The following PDE6B variants were observed in gnomAD, a reference collection of about 807,000 sequenced individuals.
PDE6B encodes phosphodiesterase 6B.
PDE6B carries 106 observed loss-of-function variants against 109.0 expected under a neutral mutation model. The ratio of observed to expected loss-of-function variants is 0.97; its 90% CI spans 0.83 to 1.14. The LOEUF (loss-of-function observed/expected upper bound fraction) is 1.14, where lower values mean the gene tolerates loss of function less well. PDE6B is among the 50% of genes most tolerant of loss of function. The pLI is 0.00. For synonymous variants in PDE6B, 490 were observed against 471.3 expected, an observed-to-expected ratio of 1.04 and a Z score of -0.51; for missense variants, 1,193 against 1,155.6, an observed-to-expected ratio of 1.03 and a Z score of -0.47.
intron 9 of PDE6B, 127 bp from the exon 10 acceptor site, chr4:657,224 G>C (rs1252970974): frequency 1.6e-6 from 2 of 1,222,382 alleles, no homozygotes; most frequent in African/African-American, 1.5e-5. Flanking sequence ...ACCCCACACA[G>C]AAGCACTGCG....
At chr4:669,477 G>GCCATGCTATTCCCGCTACC (rs1738230963) in intron 21 of PDE6B, among the ~76,000 whole-genome samples, 1 of 65,762 alleles carries the variant, frequency 1.5e-5, no homozygotes, top group Non-Finnish European at 2.8e-5. Context: ...TTCCCACTAC[G>GCCATGCTATTCCCGCTACC]CCATGCTATT....
chr4:637,238 T>G (rs1011652757), intron 3 of PDE6B, among the ~76,000 whole-genome samples: 7 of 152,098 alleles, frequency 4.6e-5, no homozygotes, highest in African/African-American at 7.2e-5. Flanking sequence ...TTTGTTTTTT[T>G]TTTTATGTTT....
chr4:667,874 G>A lies in PDE6B; in HGVS notation c.2371G>A (p.Glu791Lys), dbSNP rs74411086. The stretch of plus-strand genomic sequence containing the variant: ...CCCTCAGGAGTTCTCTCGTTTCCAC[G>A]AAGAGATCCTGCCCATGTTCGACCG... ...FVYKEFSRFHEEILPMFDRLQ... is the reference protein window; with the variant it reads ...FVYKEFSRFHKEILPMFDRLQ... Residue 791 changes from glutamate (E) to lysine (K), a missense_variant, in exon 21 of 22, where the codon GAA becomes AAA. Physicochemically the swap from Glu to Lys is moderately conservative, Grantham distance 56 (BLOSUM62 1). Coordinates refer to ENST00000496514, the MANE Select transcript of PDE6B (RefSeq NM_000283.4). 520 of 1,613,338 alleles carry A rather than the reference G, an allele frequency of 3.2e-4. 2 individuals carry two copies. The African/African-American group carries it at 6.1e-3, about 19-fold the overall frequency.
At chr4:630,666 G>A (rs1304230248) in intron 1 of PDE6B, among the ~76,000 whole-genome samples, 1 of 152,188 alleles carries the variant, frequency 6.6e-6, no homozygotes, top group Non-Finnish European at 1.5e-5. Flanking sequence ...GAGGAACGAG[G>A]GGCAACCTCA....
In PDE6B at chr4:648,467, C is replaced by T. The variant is rs1400718585; in HGVS notation, c.712-5385C>T. ...ACGCCTGCACTTCGTCTGCCTCCTC[C>T]TTGAGCTGTGGAAGGAAAGCTGGTC... is the stretch of plus-strand genomic sequence containing the variant. On this transcript the variant is annotated intron_variant, in intron 3 of 21. Coordinates refer to ENST00000496514, the MANE Select transcript of PDE6B (RefSeq NM_000283.4). This position sits in a 1 kb window ranked among gnomAD's most constrained non-coding sequence, Gnocchi z 4.5. Among the ~76,000 whole-genome samples, 1 of 150,540 alleles carries T rather than the reference C, an allele frequency of 6.6e-6. No homozygotes were observed. Among genetic ancestry groups the T allele is most frequent in the Non-Finnish European group, 1.5e-5 (1 of 68,030 alleles).
Position 662,248 on chromosome 4 carries a change from G to C in PDE6B, c.1722+7G>C, listed in dbSNP as rs1022051139. ...GATGTTCACGCTGCTCATGGTACGT[G>C]GCTGCCAGAATCACCAGGGTTGTGC... On this transcript the variant is annotated splice_region_variant and intron_variant, in intron 13 of 21. Coordinates refer to ENST00000496514, the MANE Select transcript of PDE6B (RefSeq NM_000283.4). The surrounding 1 kb of genome is among the most constrained non-coding windows in gnomAD (Gnocchi z 4.3). 6 of 1,503,570 alleles carry C rather than the reference G, an allele frequency of 4.0e-6. No individual in the cohort carries two copies. In the African/African-American group the frequency reaches 8.3e-5, roughly 21 times the overall value. 93.1% of individuals were successfully genotyped at this position (1,503,570 alleles called of 1,614,324 possible).
intron 3 of PDE6B, among the ~76,000 whole-genome samples, chr4:643,802 TTTC>T (rs1388013799): frequency 6.7e-6 from 1 of 150,314 alleles, no homozygotes; most frequent in Non-Finnish European, 1.5e-5. Flanking sequence ...GATTTAGATC[TTTC>T]TTCTTGTTTA....
intron 1 of PDE6B, 118 bp from the exon 2 acceptor site, chr4:634,559 T>C: frequency 1.1e-6 from 1 of 874,970 alleles, no homozygotes. Flanking sequence ...GCAGGGCCCC[T>C]GGGCACCTCA....
At chr4:659,492 C>T (rs1736768616) in intron 11 of PDE6B, among the ~76,000 whole-genome samples, 1 of 151,588 alleles carries the variant, frequency 6.6e-6, no homozygotes, top group African/African-American at 2.4e-5. Context: ...TGTGTGTGCA[C>T]AAGTGTGTAC....
At position 670,144 on chromosome 4, in the gene PDE6B, C is replaced by G; in HGVS notation, c.*37C>G. 6.2e-7 allele frequency: 1 copy of G among 1,611,786 alleles called. No individual in the cohort carries two copies. The highest frequency in any genetic ancestry group is 1.7e-4 in the Middle Eastern group (1 of 6,054). On this transcript the variant is annotated 3_prime_UTR_variant, in exon 22 of 22. Coordinates refer to ENST00000496514, the MANE Select transcript of PDE6B (RefSeq NM_000283.4). ...ATGGGGACCCTATGGCTCCCTCAAT[C>G]TTCACCCACTAGGATTTGGGTTCTG...
Position 670,699 on chromosome 4 carries a change from A to G in PDE6B, c.*592A>G, listed in dbSNP as rs886059552. On this transcript the variant is annotated 3_prime_UTR_variant, in exon 22 of 22. Coordinates refer to ENST00000496514, the MANE Select transcript of PDE6B (RefSeq NM_000283.4). ...CACATGTACATATGTGTACACAGGT[A>G]GACAGATGGACACAGGCCGTTTCTC... The G allele has an allele frequency of 1.9e-5, 3 of 155,710 alleles. No homozygotes were observed. The South Asian group carries it at 5.6e-4, about 29-fold the overall frequency. The allele number at this position is 155,710 out of a possible 1,614,324, so 9.6% of individuals were successfully genotyped here.
In PDE6B at chr4:663,414, T is replaced by G. The variant is rs1485133765; in HGVS notation, c.1920+227T>G. 6.6e-6 allele frequency among the ~76,000 whole-genome samples: 1 copy of G among 151,848 alleles called. No individual in the cohort carries two copies. The highest frequency in any genetic ancestry group is 1.5e-5 in the Non-Finnish European group (1 of 67,936). On this transcript the variant is annotated intron_variant, in intron 15 of 21. Transcript: ENST00000496514. The surrounding 1 kb of genome is among the most constrained non-coding windows in gnomAD (Gnocchi z 4.0). ...GAAGACAACTGGAAAGGGCCCCTCATGGGGTGGGGTGGAAGCCGAAGGGGA... is the reference window on the plus strand; with the variant it reads ...GAAGACAACTGGAAAGGGCCCCTCAGGGGGTGGGGTGGAAGCCGAAGGGGA...
chr4:632,026 A>G (rs540827094), intron 1 of PDE6B, among the ~76,000 whole-genome samples: 8 of 135,254 alleles, frequency 5.9e-5, no homozygotes, highest in African/African-American at 2.3e-4. Flanking sequence ...TGTTGTGTGG[A>G]TCTGCATGGC....
Position 664,215 on chromosome 4 carries a change from T to G in PDE6B, c.2123T>G (p.Ile708Ser). ...YLSLETTRKE[I>S]VMAMMMTACD... Reference sequence around the variant, plus strand: ...TCCCTGGAGACGACCCGGAAGGAGATCGTCATGTGAGCGCGGGCGGAGGGG... The same window carrying G: ...TCCCTGGAGACGACCCGGAAGGAGAGCGTCATGTGAGCGCGGGCGGAGGGG... Residue 708 changes from isoleucine (I) to serine (S), a missense_variant, in exon 17 of 22, where the codon ATC becomes AGC. Coordinates refer to ENST00000496514, the MANE Select transcript of PDE6B (RefSeq NM_000283.4). The G allele has an allele frequency of 1.3e-6, 2 of 1,584,774 alleles. No individual in the cohort carries two copies. The highest frequency in any genetic ancestry group is 1.7e-6 in the Non-Finnish European group (2 of 1,153,892).
Position 633,035 on chromosome 4 carries a change from C to T in PDE6B, c.469-1642C>T, listed in dbSNP as rs1408789563. On this transcript the variant is annotated intron_variant, in intron 1 of 21. Coordinates refer to ENST00000496514, the MANE Select transcript of PDE6B (RefSeq NM_000283.4). The surrounding 1 kb of genome is among the most constrained non-coding windows in gnomAD (Gnocchi z 4.5). Reference sequence around the variant, plus strand: ...TTCATCAGGGAGCACACATGGTGGCCACTGTAGCACTGACGGCTGGTGGAG... The same window carrying T: ...TTCATCAGGGAGCACACATGGTGGCTACTGTAGCACTGACGGCTGGTGGAG... 1.3e-5 allele frequency among the ~76,000 whole-genome samples: 2 copies of T among 152,082 alleles called. No homozygotes were observed. The highest frequency in any genetic ancestry group is 2.9e-5 in the Non-Finnish European group (2 of 67,996).
chr4:655,069 G>C lies in PDE6B; in HGVS notation c.992+181G>C, dbSNP rs533405453. ...GCATAGTGGAGTTGGGGGTGAGACA[G>C]AAGCCGACTCACTGTTCTGGGAGAT... On this transcript the variant is annotated intron_variant, in intron 6 of 21. Transcript: ENST00000496514. 3.1e-4 allele frequency: 195 copies of C among 629,926 alleles called. 1 individual carries two copies. The highest frequency in any genetic ancestry group is 2.5e-3 in the Middle Eastern group (6 of 2,360). 39.0% of individuals were successfully genotyped at this position (629,926 alleles called of 1,614,324 possible). A position where few individuals can be genotyped will look rare whatever the true frequency, so the allele number is the denominator to read the frequency against.
At chr4:664,261 G>T (rs764591846) in intron 17 of PDE6B, 40 bp downstream of exon 17, 2 of 1,115,280 alleles carry the variant, frequency 1.8e-6, no homozygotes, top group African/African-American at 3.0e-5. Context: ...TCCTTCCCTC[G>T]CAGGGACCGG....
At chr4:631,872 G>T (rs1327589368) in intron 1 of PDE6B, among the ~76,000 whole-genome samples, 2 of 150,806 alleles carry the variant, frequency 1.3e-5, no homozygotes, top group African/African-American at 4.9e-5. Flanking sequence ...GTGTGGATCT[G>T]TGTGACACCA....
chr4:642,520 A>G (rs914232750), intron 3 of PDE6B, among the ~76,000 whole-genome samples: 1 of 151,908 alleles, frequency 6.6e-6, no homozygotes, highest in African/African-American at 2.4e-5. Context: ...ATCACCCAGC[A>G]TGGTGGCGCA....
Sources: allele counts gnomAD v4.1 joint callset (sites outside exome capture counted in the v4.1 genomes callset), GRCh38; gene constraint gnomAD v4.1.1; non-coding constraint Gnocchi (gnomAD v3.1); transcripts MANE v1.5; gene names NCBI Gene and HGNC (gene_info 2026-07-23, HGNC 2026-07-21).